P3H3: variants seen among roughly 807,000 people sequenced by gnomAD.
P3H3 encodes gene rich cluster, B.
A neutral mutation model predicts 78.1 loss-of-function variants in P3H3; 64 were observed. The ratio of observed to expected loss-of-function variants is 0.82; its 90% confidence interval spans 0.67 to 1.01. P3H3 has a LOEUF of 1.01. P3H3 is among the 50% of genes least tolerant of loss of function. The probability of loss-of-function intolerance (pLI) is 0.00; values close to 1 mark genes in which losing one functional copy is unlikely to be tolerated. For missense variants in P3H3, 975 were observed against 982.2 expected, an observed-to-expected ratio of 0.99 and a Z score of 0.10; for synonymous variants, 425 against 416.7, an observed-to-expected ratio of 1.02 and a Z score of -0.24.
Position 6,839,690 on chromosome 12 carries a change from G to T in P3H3, c.*229G>T. 3.5e-6 allele frequency: 2 copies of T among 567,204 alleles called. No homozygotes were observed. Among genetic ancestry groups the T allele is most frequent in the Non-Finnish European group, 6.2e-6 (2 of 320,080 alleles). 35.1% of individuals were successfully genotyped at this position (567,204 alleles called of 1,614,324 possible). A position where few individuals can be genotyped will look rare whatever the true frequency, so the allele number is the denominator to read the frequency against. ...GAGCTGGGACGGGGCCCCGCTGCCG[G>T]ACCTGCAGCCCTGGACAGATGGGGA... On this transcript the variant is annotated 3_prime_UTR_variant, in exon 15 of 15. Coordinates refer to ENST00000290510, the MANE Select transcript of P3H3 (RefSeq NM_014262.5).
Position 6,839,321 on chromosome 12 carries a change from C to T in P3H3, c.2071C>T (p.Leu691=). ...EQEWIEAKEL[L]QESQEEEEEE... is the part of the protein sequence containing the mutation. ...GGAGTGGATAGAAGCCAAAGAACTG[C>T]TGCAGGAGTCACAGGAGGAGGAGGA... is the stretch of plus-strand genomic sequence containing the variant. The change falls in exon 15 of 15, where the codon CTG becomes TTG. Residue 691 remains leucine (L), a synonymous_variant. Coordinates refer to ENST00000290510, the MANE Select transcript of P3H3 (RefSeq NM_014262.5). The T allele has an allele frequency of 6.4e-7, 1 of 1,553,474 alleles. No homozygotes were observed.
intron 13 of P3H3, 131 bp downstream of exon 13, chr12:6,838,164 G>C (rs990434912): frequency 1.5e-5 from 18 of 1,224,072 alleles, no homozygotes; most frequent in Non-Finnish European, 1.8e-5. Flanking sequence ...CCCCGCCTCC[G>C]CAGCCCTCCC....
At chr12:6,832,493 G>A (rs1943459305) in intron 6 of P3H3, among the ~76,000 whole-genome samples, 1 of 152,200 alleles carries the variant, frequency 6.6e-6, no homozygotes, top group African/African-American at 2.4e-5. Flanking sequence ...CAGCCCCTGA[G>A]TCATGGCAAT....
At chr12:6,838,101 A>G in intron 13 of P3H3, 68 bp downstream of exon 13, 1 of 1,546,850 alleles carries the variant, frequency 6.5e-7, no homozygotes, top group Non-Finnish European at 8.8e-7. Flanking sequence ...TCAAAACAGA[A>G]GGCTCCAGAG....
chr12:6,831,028 G>A lies in P3H3; in HGVS notation c.986-188G>A, dbSNP rs1429528166. On this transcript the variant is annotated intron_variant, in intron 4 of 14. Transcript: ENST00000290510. This position sits in a 1 kb window ranked among gnomAD's most constrained non-coding sequence, Gnocchi z 4.6. ...CTCTTGCTCTTCTTTGAACTCTCCAGCTAAGGTATGTTTGCACCAGTGTTT... is the reference window on the plus strand; with the variant it reads ...CTCTTGCTCTTCTTTGAACTCTCCAACTAAGGTATGTTTGCACCAGTGTTT... The A allele has an allele frequency of 1.0e-5, 9 of 867,610 alleles. No homozygotes were observed. The highest frequency in any genetic ancestry group is 3.3e-5 in the African/African-American group (2 of 60,238). 53.7% of individuals were successfully genotyped at this position (867,610 alleles called of 1,614,324 possible). A position where few individuals can be genotyped will look rare whatever the true frequency, so the allele number is the denominator to read the frequency against.
rs1943411993 is a variant in P3H3, at chr12:6,828,785, C to G, written c.345C>G (p.Leu115=). ...PTQGSWERQL[L]RAALRRADCL... ...AGGGGTCCTGGGAGCGACAGCTTCT[C>G]CGTGCAGCGCTCCGCCGCGCAGACT... The change falls in exon 1 of 15, where the codon CTC becomes CTG. Residue 115 remains leucine, a synonymous_variant. Coordinates refer to ENST00000290510, the MANE Select transcript of P3H3 (RefSeq NM_014262.5). 8 of 1,237,420 alleles carry G rather than the reference C, an allele frequency of 6.5e-6. No individual in the cohort carries two copies. The South Asian group carries it at 2.6e-4, about 40-fold the overall frequency. 76.7% of individuals were successfully genotyped at this position (1,237,420 alleles called of 1,614,324 possible).
intron 9 of P3H3, among the ~76,000 whole-genome samples, chr12:6,835,833 G>C (rs782552551): frequency 6.6e-6 from 1 of 152,222 alleles, no homozygotes; most frequent in Non-Finnish European, 1.5e-5. Flanking sequence ...CCTGGAATCA[G>C]GTGCAGGGTC....
rs1943409918 is a variant in P3H3, at chr12:6,828,698, C to A, written c.258C>A (p.Gly86=). The A allele has an allele frequency of 1.1e-5, 14 of 1,244,278 alleles. No homozygotes were observed. Among genetic ancestry groups the A allele is most frequent in the Non-Finnish European group, 1.4e-5 (14 of 994,704 alleles). The allele number at this position is 1,244,278 out of a possible 1,614,324, so 77.1% of individuals were successfully genotyped here. ...GGGCGAGCTGCGCGGCCGATCCGGG[C>A]GCCGCGCTCCCCGCCGTGCTTCTCG... is the stretch of plus-strand genomic sequence containing the variant. ...DCGASCAADP[G]AALPAVLLGA... Residue 86 remains glycine (G), a synonymous_variant, in exon 1 of 15, where the codon GGC becomes GGA. Coordinates refer to ENST00000290510, the MANE Select transcript of P3H3 (RefSeq NM_014262.5).
chr12:6,831,754 G>A lies in P3H3; in HGVS notation c.1123-71G>A, dbSNP rs1338753974. On this transcript the variant is annotated intron_variant, in intron 5 of 14. Transcript: ENST00000290510. This position sits in a 1 kb window ranked among gnomAD's most constrained non-coding sequence, Gnocchi z 4.6. ...GGTTCAAGGAGCATGGAGCACCCAG[G>A]CAGTGCCCTAGAGCCGGCGCTTCCC... 2 of 933,276 alleles carry A rather than the reference G, an allele frequency of 2.1e-6. No individual in the cohort carries two copies. Among genetic ancestry groups the A allele is most frequent in the Non-Finnish European group, 1.7e-6 (1 of 582,484 alleles). 57.8% of individuals were successfully genotyped at this position (933,276 alleles called of 1,614,324 possible).
chr12:6,834,444 T>A (rs1417739455), intron 9 of P3H3, among the ~76,000 whole-genome samples: 6 of 152,162 alleles, frequency 3.9e-5, no homozygotes, highest in Admixed American at 2.6e-4. Context: ...AGGCTACCAT[T>A]TTATGAAGCT....
chr12:6,833,466 G>T, intron 6 of P3H3, 126 bp from the exon 7 acceptor site: 6 of 902,354 alleles, frequency 6.6e-6, no homozygotes, highest in Non-Finnish European at 1.1e-5. Context: ...ATTGAGTCCC[G>T]GGCTTTTCCT....
In P3H3 at chr12:6,830,559, G is replaced by C. The variant is rs1555121210; in HGVS notation, c.853+5G>C. 2.5e-6 allele frequency: 4 copies of C among 1,574,058 alleles called. No homozygotes were observed. The highest frequency in any genetic ancestry group is 1.8e-5 in the Admixed American group (1 of 54,348). ...GCCTCTATGAGGCCATTGCAGGTAA[G>C]GGTCCCGTGTGTGAGGGGGTGGGTC... On this transcript the variant is annotated splice_donor_5th_base_variant and intron_variant, in intron 3 of 14. Coordinates refer to ENST00000290510, the MANE Select transcript of P3H3 (RefSeq NM_014262.5).
At position 6,829,871 on chromosome 12, in the gene P3H3, G is replaced by T. The variant is rs1342126357; in HGVS notation, c.511G>T (p.Asp171Tyr). The T allele has an allele frequency of 5.3e-5, 85 of 1,613,876 alleles. No individual in the cohort carries two copies. Among genetic ancestry groups the T allele is most frequent in the Non-Finnish European group, 6.5e-5 (77 of 1,179,892 alleles). The change falls in exon 2 of 15, where the codon GAT (aspartate) becomes TAT (tyrosine). Residue 171 changes from aspartate (D) to tyrosine (Y), a missense_variant. Transcript: ENST00000290510. The surrounding 1 kb of genome is among the most constrained non-coding windows in gnomAD (Gnocchi z 5.1). ...TTCGCCTCCTCAGTTGAAGAAGCTGGATCTGGCAGCTGCGGCAGCACACAC... is the reference window on the plus strand; with the variant it reads ...TTCGCCTCCTCAGTTGAAGAAGCTGTATCTGGCAGCTGCGGCAGCACACAC... ...QRAYYQLKKL[D>Y]LAAAAAHTFF...
At chr12:6,836,331 A>T (rs190284863) in intron 9 of P3H3, among the ~76,000 whole-genome samples, 1 of 152,092 alleles carries the variant, frequency 6.6e-6, no homozygotes, top group African/African-American at 2.4e-5. Context: ...GTGGTGCTTA[A>T]ACAAATTCAA....
chr12:6,828,523 T>G lies in P3H3; in HGVS notation c.83T>G (p.Leu28Arg). The G allele has an allele frequency of 7.6e-7, 1 of 1,308,218 alleles. No homozygotes were observed. The highest frequency in any genetic ancestry group is 9.8e-7 in the Non-Finnish European group (1 of 1,025,620). The allele number at this position is 1,308,218 out of a possible 1,614,324, so 81.0% of individuals were successfully genotyped here. A position where few individuals can be genotyped will look rare whatever the true frequency, so the allele number is the denominator to read the frequency against. The change falls in exon 1 of 15, where the codon CTG becomes CGG. Residue 28 changes from leucine (L) to arginine (R), a missense_variant. Transcript: ENST00000290510. ...GSPEPPGLTQ[L>R]SPGAPPQAPD... The stretch of plus-strand genomic sequence containing the variant: ...CCTGAGCCCCCCGGCCTGACCCAGC[T>G]GTCCCCGGGGGCGCCCCCGCAGGCC...
In P3H3 at chr12:6,833,609, A is replaced by G; in HGVS notation, c.1230A>G (p.Ala410=). Residue 410 remains alanine (A), a synonymous_variant, in exon 7 of 15, where the codon GCA becomes GCG. Transcript: ENST00000290510. The part of the protein sequence containing the change: ...SFKDPDPWTP[A]ALIPEALREK... ...TGTCGCAGGACCCCTGGACCCCTGC[A>G]GCTCTCATCCCTGAGGCACTTAGAG... 5.0e-6 allele frequency: 8 copies of G among 1,613,954 alleles called. No individual in the cohort carries two copies. The highest frequency in any genetic ancestry group is 5.9e-6 in the Non-Finnish European group (7 of 1,179,872).
rs782564051 is a variant in P3H3 at position 6,839,123 on chromosome 12, C to T, written c.2029C>T (p.Pro677Ser). 6 of 1,604,642 alleles carry T rather than the reference C, an allele frequency of 3.7e-6. No individual in the cohort carries two copies. Among genetic ancestry groups the T allele is most frequent in the Non-Finnish European group, 5.1e-6 (6 of 1,177,216 alleles). The change falls in exon 14 of 15, where the codon CCT becomes TCT. Residue 677 changes from proline to serine, a missense_variant. Transcript: ENST00000290510. ...CCTGGCACTGTGGCACACGTGGGCA[C>T]CTGAGCACAGGGAGCAGGTAAGGAG... ...CALALWHTWA[P>S]EHREQEWIEA...
In P3H3 at chr12:6,838,033, G is replaced by C; in HGVS notation, c.1905G>C (p.Thr635=). 6.3e-7 allele frequency: 1 copy of C among 1,599,946 alleles called. No individual in the cohort carries two copies. Among genetic ancestry groups the C allele is most frequent in the Non-Finnish European group, 8.5e-7 (1 of 1,172,882 alleles). The stretch of plus-strand genomic sequence containing the variant: ...CGGAGCCCAACGCCCTCACTGTCAC[G>C]GTGCGTGGAGTGGGGGGTGTGACGG... ...FFTEPNALTV[T]ARVRPRCGRL... is the part of the protein sequence containing the mutation. The change falls in exon 13 of 15, where the codon ACG becomes ACC. Residue 635 remains threonine (T), a splice_region_variant and synonymous_variant. Coordinates refer to ENST00000290510, the MANE Select transcript of P3H3 (RefSeq NM_014262.5).
chr12:6,837,318 C>A, intron 10 of P3H3, 105 bp from the exon 11 acceptor site: 2 of 1,465,820 alleles, frequency 1.4e-6, no homozygotes, highest in Non-Finnish European at 1.8e-6. Context: ...TGCTGACAGA[C>A]TCCAAACCCA....
Sources: allele counts gnomAD v4.1 joint callset (sites outside exome capture counted in the v4.1 genomes callset), GRCh38; gene constraint gnomAD v4.1.1; non-coding constraint Gnocchi (gnomAD v3.1); transcripts MANE v1.5; gene names NCBI Gene and HGNC (gene_info 2026-07-23, HGNC 2026-07-21).